The following MAP3K12 variants were observed in gnomAD, a reference collection of about 807,000 sequenced individuals.
The protein encoded by MAP3K12 is mitogen-activated protein kinase kinase kinase 12.
A neutral mutation model predicts 87.5 loss-of-function variants in MAP3K12; 14 were observed. That is an observed-to-expected ratio of 0.16 (90% CI 0.11 to 0.25). The LOEUF is 0.25. Ranked by LOEUF, MAP3K12 falls within the 10% of genes least tolerant of loss-of-function variation. MAP3K12 has a pLI of 1.00. For synonymous variants in MAP3K12, 469 were observed against 452.5 expected, an observed-to-expected ratio of 1.04 and a Z score of -0.46; for missense variants, 802 against 1,140.4, an observed-to-expected ratio of 0.70 and a Z score of 4.27.
At chr12:53,495,010 A>C (rs1201543855) in intron 1 of MAP3K12, among the ~76,000 whole-genome samples, 1 of 151,862 alleles carries the variant, frequency 6.6e-6, no homozygotes, top group Non-Finnish European at 1.5e-5. Context: ...CCTCCTGAGT[A>C]GCTGGGACTA....
chr12:53,493,713 G>A (rs1217901780), intron 1 of MAP3K12: 3 of 152,104 alleles, frequency 2.0e-5, no homozygotes, highest in Non-Finnish European at 4.4e-5. Context: ...CTTTTTAAAG[G>A]AATTTTTCAG....
chr12:53,482,596 AG>A lies in MAP3K12; in HGVS notation c.2206del (p.Leu736CysfsTer24). The A allele has an allele frequency of 1.2e-6, 2 of 1,613,460 alleles. No individual in the cohort carries two copies. Among genetic ancestry groups the A allele is most frequent in the Non-Finnish European group, 1.7e-6 (2 of 1,179,794 alleles). ...AGSQHLTPAA[L>X]LYRAAVTRSQ... ...TCGGGTGACGGCAGCCCTGTACAGC[AG>A]TGCAGCTGGGGTCAAGTGCTGGGAC... On this transcript the variant is annotated frameshift_variant, in exon 11 of 14. Transcript: ENST00000547488. LOFTEE classifies it high-confidence loss of function.
At chr12:53,499,405 C>CA (rs1039705265) in intron 1 of MAP3K12, 22 bp downstream of exon 1, 2 of 151,194 alleles carry the variant, frequency 1.3e-5, no homozygotes, top group Non-Finnish European at 2.9e-5. Flanking sequence ...CCCACCCCCC[C>CA]ACAACTCGGC....
intron 1 of MAP3K12, among the ~76,000 whole-genome samples, chr12:53,496,972 A>T (rs142114291): frequency 6.6e-6 from 1 of 152,192 alleles, no homozygotes; most frequent in Non-Finnish European, 1.5e-5. Flanking sequence ...TCATTGCTAA[A>T]CGGGGACAGT....
At chr12:53,484,205 C>T (rs745323466) in intron 7 of MAP3K12, 52 bp downstream of exon 7, 1 of 1,520,336 alleles carries the variant, frequency 6.6e-7, no homozygotes, top group Admixed American at 1.7e-5. Context: ...CAAATAGCAT[C>T]ATCTCTGCAA....
chr12:53,483,137 T>G lies in MAP3K12; in HGVS notation c.1666A>C (p.Ser556Arg). Residue 556 changes from serine to arginine, a missense_variant, in exon 11 of 14, where the codon AGT (serine) becomes CGT (arginine). By Grantham distance (110) the Ser-to-Arg change is moderately radical. Coordinates refer to ENST00000547488, the MANE Select transcript of MAP3K12 (RefSeq NM_001193511.2). ...SLLPKLDAAL[S>R]GVGLPGCPKG... is the part of the protein sequence containing the mutation. ...GGACACCCAGGAAGCCCCACCCCAC[T>G]CAGGGCTGCATCTAGTTTAGGGAGC... The G allele has an allele frequency of 6.6e-7, 1 of 1,520,982 alleles. No individual in the cohort carries two copies. 94.2% of individuals were successfully genotyped at this position (1,520,982 alleles called of 1,614,324 possible). A position where few individuals can be genotyped will look rare whatever the true frequency, so the allele number is the denominator to read the frequency against.
chr12:53,501,322 GC>G, upstream of MAP3K12: 1 of 1,489,540 alleles, frequency 6.7e-7, no homozygotes, highest in Non-Finnish European at 9.1e-7. Flanking sequence ...GCGACTCCGG[GC>G]TTGGCCCCGG....
At chr12:53,484,106 G>T in intron 7 of MAP3K12, 86 bp from the exon 8 acceptor site, 1 of 1,433,824 alleles carries the variant, frequency 7.0e-7, no homozygotes. Context: ...CTGCCAATGT[G>T]TGTGCTGGAG....
intron 1 of MAP3K12, among the ~76,000 whole-genome samples, chr12:53,494,563 C>T (rs1943498116): frequency 6.6e-6 from 1 of 152,058 alleles, no homozygotes; most frequent in Admixed American, 6.6e-5. Context: ...TTCTCTCTAG[C>T]TCCTTCTTGT....
intron 1 of MAP3K12, among the ~76,000 whole-genome samples, chr12:53,493,465 A>G (rs1471802759): frequency 6.6e-6 from 1 of 152,124 alleles, no homozygotes; most frequent in Non-Finnish European, 1.5e-5. Context: ...AATGAGAGAA[A>G]GGGAGACAGG....
intron 1 of MAP3K12, among the ~76,000 whole-genome samples, chr12:53,489,742 A>T (rs930825052): frequency 1.3e-5 from 2 of 152,182 alleles, no homozygotes; most frequent in African/African-American, 4.8e-5. Flanking sequence ...AGGCTTGGGA[A>T]ACTCTGATAG....
At position 53,484,837 on chromosome 12, in the gene MAP3K12, A is replaced by G. The variant is rs918585315; in HGVS notation, c.1139+219T>C. The G allele has an allele frequency of 8.4e-6, 5 of 593,676 alleles. No homozygotes were observed. The African/African-American group carries it at 9.3e-5, about 11-fold the overall frequency. The allele number at this position is 593,676 out of a possible 1,614,324, so 36.8% of individuals were successfully genotyped here. A position where few individuals can be genotyped will look rare whatever the true frequency, so the allele number is the denominator to read the frequency against. On this transcript the variant is annotated intron_variant, in intron 6 of 13. Transcript: ENST00000547488. ...GCACTTCATGACAAATCAGGAATGCAGATATCGTTAAGTGTATTTTATAGA... is the reference window on the plus strand; with the variant it reads ...GCACTTCATGACAAATCAGGAATGCGGATATCGTTAAGTGTATTTTATAGA...
upstream of MAP3K12, chr12:53,501,407 G>T (rs1183068848): frequency 6.4e-7 from 1 of 1,564,246 alleles, no homozygotes; most frequent in Admixed American, 1.9e-5. Flanking sequence ...ACGGAGGAGG[G>T]AATGAGTGAA....
At position 53,480,415 on chromosome 12, in the gene MAP3K12, G is replaced by A. The variant is rs547080417; in HGVS notation, c.*767C>T. On this transcript the variant is annotated 3_prime_UTR_variant, in exon 14 of 14. Coordinates refer to ENST00000547488, the MANE Select transcript of MAP3K12 (RefSeq NM_001193511.2). ...CAGGAGAACTTCTCCAGACACCTCA[G>A]ATAAAGTCCGGAGCCCAAGGCTTTA... 6.6e-6 allele frequency: 1 copy of A among 152,608 alleles called. No individual in the cohort carries two copies. Among genetic ancestry groups the A allele is most frequent in the Non-Finnish European group, 1.5e-5 (1 of 68,020 alleles). 9.5% of individuals were successfully genotyped at this position (152,608 alleles called of 1,614,324 possible). A position where few individuals can be genotyped will look rare whatever the true frequency, so the allele number is the denominator to read the frequency against.
rs1942987799 is a variant in MAP3K12, at chr12:53,480,632, A to G, written c.*550T>C. Reference sequence around the variant, plus strand: ...TCAGCCTGAGCCATCACATGCTATCAGTCTCCTAACCTCCCCCTGGGCCTT... The same window carrying G: ...TCAGCCTGAGCCATCACATGCTATCGGTCTCCTAACCTCCCCCTGGGCCTT... On this transcript the variant is annotated 3_prime_UTR_variant, in exon 14 of 14. Coordinates refer to ENST00000547488, the MANE Select transcript of MAP3K12 (RefSeq NM_001193511.2). 1 of 152,588 alleles carries G rather than the reference A, an allele frequency of 6.6e-6. No individual in the cohort carries two copies. 9.5% of individuals were successfully genotyped at this position (152,588 alleles called of 1,614,324 possible).
chr12:53,490,262 C>G (rs1192086011), intron 1 of MAP3K12, among the ~76,000 whole-genome samples: 1 of 151,864 alleles, frequency 6.6e-6, no homozygotes, highest in Non-Finnish European at 1.5e-5. Flanking sequence ...CGAGATCACG[C>G]CACTGTACTC....
Position 53,483,021 on chromosome 12 carries a change from C to T in MAP3K12, c.1782G>A (p.Gly594=). 1.9e-6 allele frequency: 3 copies of T among 1,558,518 alleles called. No individual in the cohort carries two copies. Among genetic ancestry groups the T allele is most frequent in the Non-Finnish European group, 2.6e-6 (3 of 1,153,264 alleles). Residue 594 remains glycine (G), a synonymous_variant, in exon 11 of 14, where the codon GGG becomes GGA. Transcript: ENST00000547488. The stretch of plus-strand genomic sequence containing the variant: ...CATGGGGTGGCACAGCTGTACGAAG[C>T]CCAGGCAGGTCCCCACAGCTCCCCT... ...SAKGSCGDLP[G]LRTAVPPHEP...
rs916132388 is a variant in MAP3K12, at chr12:53,487,162, G to T, written c.230C>A (p.Ala77Asp). 3 of 1,614,062 alleles carry T rather than the reference G, an allele frequency of 1.9e-6. No homozygotes were observed. ...PGGEPPPEPF[A>D]NSVLQLHEQD... ...CTCATGTAGCTGCAGGACACTGTTGGCAAAAGGCTCAGGGGGCGGCTCTCC... is the reference window on the plus strand; with the variant it reads ...CTCATGTAGCTGCAGGACACTGTTGTCAAAAGGCTCAGGGGGCGGCTCTCC... Residue 77 changes from alanine to aspartate, a missense_variant, in exon 2 of 14, where the codon GCC (alanine) becomes GAC (aspartate). Physicochemically the swap from Ala to Asp is moderately radical, Grantham distance 126 (BLOSUM62 -2). Transcript: ENST00000547488.
intron 7 of MAP3K12, 82 bp from the exon 8 acceptor site, chr12:53,484,102 A>G (rs992814988): frequency 4.1e-6 from 6 of 1,452,968 alleles, no homozygotes; most frequent in African/African-American, 1.4e-5. Context: ...ACCACTGCCA[A>G]TGTGTGTGCT....
Sources: gnomAD v4.1 joint callset for allele counts (sites outside exome capture counted in the v4.1 genomes callset) on GRCh38, gnomAD v4.1.1 for gene constraint, MANE v1.5 for transcripts, NCBI Gene and HGNC (gene_info 2026-07-23, HGNC 2026-07-21) for gene names.